CDKN2B-AS1: variants seen among roughly 807,000 people sequenced by gnomAD.
The protein encoded by CDKN2B-AS1 is CDKN2B and CDKN2A antisense cis and trans regulatory RNA 1, also known as CDKN2B antisense RNA 1 (non-protein coding).
chr9:22,025,433 G>A (rs116729641), intron 1 of CDKN2B-AS1, among the ~76,000 whole-genome samples: 13,161 of 152,198 alleles, frequency 0.086, 571 homozygotes, highest in Middle Eastern at 0.13. Flanking sequence ...TCAGTTGTCC[G>A]TGGCGGCTCT....
intron 4 of CDKN2B-AS1, among the ~76,000 whole-genome samples, chr9:22,095,155 C>G (rs1825229906): frequency 6.9e-6 from 1 of 144,562 alleles, no homozygotes. Flanking sequence ...ATGTTCCTGC[C>G]TGATTGTTCC....
At position 21,997,585 on chromosome 9, in the gene CDKN2B-AS1, AGTT is replaced by A. The variant is rs1356760058; in HGVS notation, n.29+2432_29+2434del. Among the ~76,000 whole-genome samples, 2 of 152,120 alleles carry A rather than the reference AGTT, an allele frequency of 1.3e-5. No individual in the cohort carries two copies. Among genetic ancestry groups the A allele is most frequent in the Non-Finnish European group, 2.9e-5 (2 of 68,020 alleles). On this transcript the variant is annotated intron_variant and non_coding_transcript_variant, in intron 1 of 4. Transcript: ENST00000650946. This position sits in a 1 kb window ranked among gnomAD's most constrained non-coding sequence, Gnocchi z 4.8. ...TTGACAAATTGGAGACCCAGGGAAG[AGTT>A]GTTGTTGCAAGACTTGAATCCAAAG...
chr9:22,059,728 C>T (rs527449136), intron 4 of CDKN2B-AS1, among the ~76,000 whole-genome samples: 2 of 152,342 alleles, frequency 1.3e-5, no homozygotes, highest in South Asian at 4.1e-4. Context: ...TCCATGAGAG[C>T]CCCGCCCCAG....
intron 4 of CDKN2B-AS1, among the ~76,000 whole-genome samples, chr9:22,087,384 C>T (rs1824899517): frequency 6.6e-6 from 1 of 152,122 alleles, no homozygotes; most frequent in African/African-American, 2.4e-5. Flanking sequence ...GAAACTGGAT[C>T]CCTGATGACA....
chr9:22,051,669 C>G (rs538911063), intron 3 of CDKN2B-AS1, among the ~76,000 whole-genome samples: 41 of 152,206 alleles, frequency 2.7e-4, no homozygotes, highest in East Asian at 1.5e-3. Flanking sequence ...ACTATGAAAG[C>G]TGTATGTAGT....
At chr9:22,022,405 A>T (rs1822054193) in intron 1 of CDKN2B-AS1, among the ~76,000 whole-genome samples, 3 of 151,976 alleles carry the variant, frequency 2.0e-5, no homozygotes, top group Admixed American at 1.3e-4. Context: ...ACCATTATGT[A>T]ATGCGTTTCT....
intron 4 of CDKN2B-AS1, chr9:22,065,600 C>T (rs1824002526): frequency 6.6e-6 from 1 of 152,174 alleles, no homozygotes; most frequent in African/African-American, 2.4e-5. Flanking sequence ...AGCTCCCAAG[C>T]AGGTTCAGTA....
chr9:22,034,619 A>G (rs1033320896), intron 1 of CDKN2B-AS1, among the ~76,000 whole-genome samples: 1 of 152,148 alleles, frequency 6.6e-6, no homozygotes, highest in African/African-American at 2.4e-5. Flanking sequence ...TCATTCTTTG[A>G]AAGTGTTTAT....
At chr9:22,107,493 C>T (rs1825690627) in intron 4 of CDKN2B-AS1, among the ~76,000 whole-genome samples, 1 of 152,182 alleles carries the variant, frequency 6.6e-6, no homozygotes, top group East Asian at 1.9e-4. Flanking sequence ...AGATCTCTTA[C>T]CTTGCAATTC....
In CDKN2B-AS1 at chr9:22,072,545, T is replaced by G. The variant is rs559524969; in HGVS notation, n.438+16158T>G. ...AAGCTATCTAAGCCTTAGTTAGTTT[T>G]GTCATCAGTCAAAGGGGAATAGTGA... On this transcript the variant is annotated intron_variant and non_coding_transcript_variant, in intron 4 of 4. Coordinates refer to ENST00000650946, the Ensembl canonical transcript of CDKN2B-AS1. 8.5e-5 allele frequency among the ~76,000 whole-genome samples: 13 copies of G among 152,352 alleles called. 1 individual carries two copies. The East Asian group carries it at 2.5e-3, about 29-fold the overall frequency.
chr9:22,115,105 G>A (rs1825912446), intron 4 of CDKN2B-AS1, among the ~76,000 whole-genome samples: 2 of 152,116 alleles, frequency 1.3e-5, no homozygotes, highest in Admixed American at 1.3e-4. Flanking sequence ...CAGCTGTAGA[G>A]CTATGTCAGA....
intron 4 of CDKN2B-AS1, among the ~76,000 whole-genome samples, chr9:22,115,554 C>A (rs969678095): frequency 1.3e-5 from 2 of 152,068 alleles, no homozygotes; most frequent in African/African-American, 2.4e-5. Flanking sequence ...TCTTTCTTCT[C>A]AAAACTTCAC....
chr9:22,052,137 C>T (rs1013810212), intron 3 of CDKN2B-AS1, among the ~76,000 whole-genome samples: 1 of 152,106 alleles, frequency 6.6e-6, no homozygotes, highest in Non-Finnish European at 1.5e-5. Context: ...GCCTCTCTCA[C>T]CAAAATATTT....
chr9:22,059,719 C>G (rs1415151838), intron 4 of CDKN2B-AS1, among the ~76,000 whole-genome samples: 1 of 152,240 alleles, frequency 6.6e-6, no homozygotes, highest in Admixed American at 6.5e-5. Context: ...CAGAGGTTCT[C>G]CATGAGAGCC....
chr9:22,120,188 C>T (rs1293085921), intron 4 of CDKN2B-AS1: 4 of 152,210 alleles, frequency 2.6e-5, no homozygotes, highest in East Asian at 1.9e-4. Flanking sequence ...TTCCTTGTCT[C>T]GTTCTTCCCA....
In CDKN2B-AS1 at chr9:22,006,298, G is replaced by A. The variant is rs1167228949; in HGVS notation, n.29+11137G>A. On this transcript the variant is annotated intron_variant and non_coding_transcript_variant, in intron 1 of 4. Coordinates refer to ENST00000650946, the Ensembl canonical transcript of CDKN2B-AS1. This position sits in a 1 kb window ranked among gnomAD's most constrained non-coding sequence, Gnocchi z 6.4. The stretch of plus-strand genomic sequence containing the variant: ...AGCCAGGGTGGGGGCAGGTATGGGA[G>A]ATGCCGGCCGGGGCAAGGCAGGTGG... The A allele has an allele frequency of 6.3e-7, 1 of 1,598,034 alleles. No individual in the cohort carries two copies. Among genetic ancestry groups the A allele is most frequent in the Non-Finnish European group, 8.5e-7 (1 of 1,179,190 alleles).
Position 22,042,720 on chromosome 9 carries a change from A to T in CDKN2B-AS1, n.30-4031A>T, listed in dbSNP as rs1160271673. On this transcript the variant is annotated intron_variant and non_coding_transcript_variant, in intron 1 of 4. Coordinates refer to ENST00000650946, the Ensembl canonical transcript of CDKN2B-AS1. ...TAAGATTTTAAAAATTGTCCATAAT[A>T]TTAACCTTGGCATTATTATGTTAAA... 2.0e-5 allele frequency among the ~76,000 whole-genome samples: 3 copies of T among 152,110 alleles called. No individual in the cohort carries two copies. In the South Asian group the frequency reaches 6.2e-4, roughly 31 times the overall value.
chr9:22,015,700 C>T (rs1821720467), intron 1 of CDKN2B-AS1, among the ~76,000 whole-genome samples: 1 of 152,058 alleles, frequency 6.6e-6, no homozygotes, highest in African/African-American at 2.4e-5. Context: ...AGGTTAGTTA[C>T]ATATGTATTC....
At chr9:22,022,326 C>A (rs1822050025) in intron 1 of CDKN2B-AS1, among the ~76,000 whole-genome samples, 3 of 151,834 alleles carry the variant, frequency 2.0e-5, no homozygotes, top group Non-Finnish European at 2.9e-5. Context: ...GATTATGAAT[C>A]TGGGTGTTCC....
Sources: allele counts gnomAD v4.1 joint callset (sites outside exome capture counted in the v4.1 genomes callset), GRCh38; gene constraint gnomAD v4.1.1; non-coding constraint Gnocchi (gnomAD v3.1); transcripts MANE v1.5; gene names NCBI Gene and HGNC (gene_info 2026-07-23, HGNC 2026-07-21).